Variants in ABCF3 observed in about 807,000 individuals in gnomAD.
ABCF3 encodes the protein ATP-binding cassette sub-family F member 3.
Under a neutral mutation model 94.3 loss-of-function variants are expected in ABCF3, and 62 were observed. The observed-to-expected ratio is 0.66, with a 90% CI of 0.54 to 0.81. The LOEUF is 0.81. Among genes scored for constraint, ABCF3 ranks in the 40% least tolerant of loss-of-function variants. ABCF3 has a pLI of 0.00. For synonymous variants in ABCF3, 355 were observed against 361.1 expected (o/e 0.98, Z 0.19); for missense variants, 843 against 925.3 (o/e 0.91, Z 1.15).
At position 184,192,650 on chromosome 3, in the gene ABCF3, G is replaced by A. The variant is rs1005979926; in HGVS notation, c.1619G>A (p.Gly540Glu). 5.0e-6 allele frequency: 8 copies of A among 1,610,338 alleles called. No individual in the cohort carries two copies. Among genetic ancestry groups the A allele is most frequent in the Non-Finnish European group, 6.8e-6 (8 of 1,179,202 alleles). The change falls in exon 17 of 21, where the codon GGG becomes GAG. Residue 540 changes from glycine to glutamate, a missense_variant. Transcript: ENST00000429586. ...GKSTMLKLLL[G>E]DLAPVRGIRH... is the part of the protein sequence containing the mutation. ...TCTACCATGCTGAAGCTGCTTTTGGGGGACCTGGCACCTGTTCGGGGCATC... is the reference window on the plus strand; with the variant it reads ...TCTACCATGCTGAAGCTGCTTTTGGAGGACCTGGCACCTGTTCGGGGCATC...
rs191518353 is a variant in ABCF3, at chr3:184,193,658, C to A, written c.2090C>A (p.Ala697Asp). 1 of 1,613,868 alleles carries A rather than the reference C, an allele frequency of 6.2e-7. No homozygotes were observed. Among genetic ancestry groups the A allele is most frequent in the Non-Finnish European group, 8.5e-7 (1 of 1,179,904 alleles). The change falls in exon 21 of 21, where the codon GCC becomes GAC. Residue 697 changes from alanine to aspartate, a missense_variant. By Grantham distance (126) the Ala-to-Asp change is moderately radical. Transcript: ENST00000429586. The surrounding 1 kb of genome is among the most constrained non-coding windows in gnomAD (Gnocchi z 5.2). ...RVEGGFDQYRALLQEQFRREG... is the reference protein window; with the variant it reads ...RVEGGFDQYRDLLQEQFRREG... ...GAAGGAGGATTTGACCAGTACCGCGCCCTCCTCCAGGAACAGTTCCGCCGC... is the reference window on the plus strand; with the variant it reads ...GAAGGAGGATTTGACCAGTACCGCGACCTCCTCCAGGAACAGTTCCGCCGC...
chr3:184,187,835 A>G (rs1715738659), intron 5 of ABCF3, 26 bp from the exon 6 acceptor site: 1 of 1,614,114 alleles, frequency 6.2e-7, no homozygotes, highest in Non-Finnish European at 8.5e-7. Context: ...GGGAGCACTA[A>G]GAGCTGTCCA....
intron 16 of ABCF3, among the ~76,000 whole-genome samples, chr3:184,192,341 C>T (rs1027094259): frequency 6.6e-6 from 1 of 152,080 alleles, no homozygotes; most frequent in Non-Finnish European, 1.5e-5. Flanking sequence ...TGAACTGTAG[C>T]GTCCCTGCAG....
chr3:184,193,579 A>G lies in ABCF3; in HGVS notation c.2011A>G (p.Arg671Gly). ...GGTGTCCCACGATGAGCGCTTTATC[A>G]GGCTGGTGTGCCGGGAGTTGTGGGT... ...ILVSHDERFI[R>G]LVCRELWVCE... The change falls in exon 21 of 21, where the codon AGG becomes GGG. Residue 671 changes from arginine (R) to glycine (G), a missense_variant. By Grantham distance (125) the Arg-to-Gly change is moderately radical (BLOSUM62 -2). Coordinates refer to ENST00000429586, the MANE Select transcript of ABCF3 (RefSeq NM_018358.3). The surrounding 1 kb of genome is among the most constrained non-coding windows in gnomAD (Gnocchi z 5.2). The G allele has an allele frequency of 6.2e-7, 1 of 1,614,162 alleles. No homozygotes were observed. The highest frequency in any genetic ancestry group is 8.5e-7 in the Non-Finnish European group (1 of 1,180,008).
In ABCF3 at chr3:184,191,191, A is replaced by G. The variant is rs202158328; in HGVS notation, c.1505A>G (p.Asp502Gly). ...LQLDEVDFYYDPKHVIFSRLS... is the reference protein window; with the variant it reads ...LQLDEVDFYYGPKHVIFSRLS... ...CTAGATGAGGTGGATTTCTACTACGATCCGAAGCACGTCATCTTCAGTCGC... is the reference window on the plus strand; with the variant it reads ...CTAGATGAGGTGGATTTCTACTACGGTCCGAAGCACGTCATCTTCAGTCGC... The change falls in exon 16 of 21, where the codon GAT becomes GGT. Residue 502 changes from aspartate (D) to glycine (G), a missense_variant. Asp to Gly is a moderately conservative substitution (Grantham distance 94). Coordinates refer to ENST00000429586, the MANE Select transcript of ABCF3 (RefSeq NM_018358.3). 6.2e-7 allele frequency: 1 copy of G among 1,614,104 alleles called. No homozygotes were observed. Among genetic ancestry groups the G allele is most frequent in the East Asian group, 2.2e-5 (1 of 44,878 alleles).
chr3:184,188,832 C>T lies in ABCF3; in HGVS notation c.908C>T (p.Ala303Val), dbSNP rs772971982. The stretch of plus-strand genomic sequence containing the variant: ...CTGGAGGAGATTGAGGCTGACAAGG[C>T]ACCTGCCAGGTATTTAAAGCTCCCC... ...AKLEEIEADK[A>V]PARASVILAG... Residue 303 changes from alanine to valine, a missense_variant, in exon 8 of 21, where the codon GCA becomes GTA. Transcript: ENST00000429586. 1.2e-6 allele frequency: 2 copies of T among 1,613,996 alleles called. No homozygotes were observed. Among genetic ancestry groups the T allele is most frequent in the Non-Finnish European group, 1.7e-6 (2 of 1,179,928 alleles).
At position 184,188,415 on chromosome 3, in the gene ABCF3, C is replaced by T; in HGVS notation, c.836+8C>T. ...CCAGATTGCTGCTGGCAGGTGAGGACTCCCGGCTAGGGAGTAACTAGCAGC... is the reference window on the plus strand; with the variant it reads ...CCAGATTGCTGCTGGCAGGTGAGGATTCCCGGCTAGGGAGTAACTAGCAGC... On this transcript the variant is annotated splice_region_variant and intron_variant, in intron 7 of 20. Coordinates refer to ENST00000429586, the MANE Select transcript of ABCF3 (RefSeq NM_018358.3). The T allele has an allele frequency of 1.9e-6, 3 of 1,601,222 alleles. No homozygotes were observed. The highest frequency in any genetic ancestry group is 8.5e-7 in the Non-Finnish European group (1 of 1,171,770).
intron 12 of ABCF3, 53 bp downstream of exon 12, chr3:184,189,496 C>A: frequency 6.2e-7 from 1 of 1,613,994 alleles, no homozygotes; most frequent in Non-Finnish European, 8.5e-7. Context: ...CTCCAAGATA[C>A]CTGGGGGCCT....
rs534112955 is a variant in ABCF3 at position 184,191,373 on chromosome 3, C to T, written c.1569+118C>T. The T allele has an allele frequency of 3.5e-5, 53 of 1,498,302 alleles. No homozygotes were observed. The East Asian group carries it at 1.0e-3, about 29-fold the overall frequency. 92.8% of individuals were successfully genotyped at this position (1,498,302 alleles called of 1,614,324 possible). On this transcript the variant is annotated intron_variant, in intron 16 of 20. Transcript: ENST00000429586. ...GAGGTCTGTGGAACAGGAGTGAGGG[C>T]CCGGGCTAAGGATTTTGCAGGACTT...
chr3:184,191,306 G>T (rs1269149542), intron 16 of ABCF3, 51 bp downstream of exon 16: 2 of 1,609,434 alleles, frequency 1.2e-6, no homozygotes, highest in East Asian at 2.2e-5. Context: ...CTGTCTAAGT[G>T]TGTGGTGTGG....
chr3:184,188,100 A>G (rs753029864), intron 6 of ABCF3, 41 bp from the exon 7 acceptor site: 4 of 1,610,362 alleles, frequency 2.5e-6, no homozygotes, highest in African/African-American at 2.7e-5. Context: ...CTGTGCACCT[A>G]TTTCTAGAGC....
chr3:184,191,046 A>G lies in ABCF3; in HGVS notation c.1436+3A>G, dbSNP rs200432093. On this transcript the variant is annotated splice_donor_region_variant and intron_variant, in intron 15 of 20. Transcript: ENST00000429586. ...AAGGAATCAGAGGTCGTAATGAAGT[A>G]AGTGCTGGGCCAGTGGGGCTGGTGG... The G allele has an allele frequency of 2.5e-6, 4 of 1,614,206 alleles. No individual in the cohort carries two copies. The Admixed American group carries it at 6.7e-5, about 27-fold the overall frequency.
At chr3:184,190,114 A>T (rs843343) in intron 14 of ABCF3, 183 bp downstream of exon 14, 5 of 626,458 alleles carry the variant, frequency 8.0e-6, no homozygotes, top group Admixed American at 2.9e-5. Context: ...TGACTAGCAC[A>T]TGGCAACCAC....
Position 184,188,188 on chromosome 3 carries a change from A to G in ABCF3, c.617A>G (p.Tyr206Cys). 6.2e-7 allele frequency: 1 copy of G among 1,614,054 alleles called. No homozygotes were observed. The highest frequency in any genetic ancestry group is 8.5e-7 in the Non-Finnish European group (1 of 1,180,030). Residue 206 changes from tyrosine (Y) to cysteine (C), a missense_variant, in exon 7 of 21, where the codon TAC becomes TGC. Physicochemically the swap from Tyr to Cys is radical, Grantham distance 194 (BLOSUM62 -2). Coordinates refer to ENST00000429586, the MANE Select transcript of ABCF3 (RefSeq NM_018358.3). ...GTGAACCTGGCATGGGGCCGCCGTT[A>G]CGGGCTGGTGGGGCGGAATGGGTTG... ...ADVNLAWGRR[Y>C]GLVGRNGLGK...
chr3:184,189,991 T>A lies in ABCF3; in HGVS notation c.1391+60T>A. 3.8e-6 allele frequency: 6 copies of A among 1,572,196 alleles called. No individual in the cohort carries two copies. In the South Asian group the frequency reaches 6.7e-5, roughly 18 times the overall value. On this transcript the variant is annotated intron_variant, in intron 14 of 20. Transcript: ENST00000429586. ...TGTTCTCTTCGTCTCCTTCCGCATT[T>A]GCACGCCACCCTTGCCCTACCATTC...
rs765550382 is a variant in ABCF3, at chr3:184,188,952, T to G, written c.941T>G (p.Leu314Arg). 1 of 1,614,246 alleles carries G rather than the reference T, an allele frequency of 6.2e-7. No individual in the cohort carries two copies. Among genetic ancestry groups the G allele is most frequent in the Non-Finnish European group, 8.5e-7 (1 of 1,180,036 alleles). ...PARASVILAGLGFTPKMQQQP... is the reference protein window; with the variant it reads ...PARASVILAGRGFTPKMQQQP... ...AGGGCATCAGTCATTCTCGCTGGGC[T>G]TGGCTTTACCCCTAAAATGCAGCAG... The change falls in exon 9 of 21, where the codon CTT (leucine) becomes CGT (arginine). Residue 314 changes from leucine (L) to arginine (R), a missense_variant. By Grantham distance (102) the Leu-to-Arg change is moderately radical (BLOSUM62 -2). Transcript: ENST00000429586.
chr3:184,190,921 T>G (rs1451595031), intron 14 of ABCF3, 78 bp from the exon 15 acceptor site: 1 of 1,544,156 alleles, frequency 6.5e-7, no homozygotes, highest in African/African-American at 1.4e-5. Context: ...TTTCTAAGTT[T>G]TCTCTGAACA....
Position 184,192,892 on chromosome 3 carries a change from T to A in ABCF3, c.1746T>A (p.Phe582Leu). Residue 582 changes from phenylalanine (F) to leucine (L), a missense_variant, in exon 18 of 21, where the codon TTT (phenylalanine) becomes TTA (leucine). By Grantham distance (22) the Phe-to-Leu change is conservative. Coordinates refer to ENST00000429586, the MANE Select transcript of ABCF3 (RefSeq NM_018358.3). The part of the protein sequence containing the change: ...VSAVELLARK[F>L]PGRPEEEYRH... ...CTGTGGAACTGCTGGCACGCAAGTT[T>A]CCTGGTGAGTTAGGGATTTGAGTCG... 3 of 1,614,064 alleles carry A rather than the reference T, an allele frequency of 1.9e-6. No homozygotes were observed. The highest frequency in any genetic ancestry group is 2.5e-6 in the Non-Finnish European group (3 of 1,179,984).
intron 14 of ABCF3, chr3:184,190,195 A>C: frequency 5.6e-6 from 3 of 537,320 alleles, no homozygotes; most frequent in Non-Finnish European, 1.0e-5. Context: ...GAATCATACA[A>C]TATGACCTTT....
Sources: gnomAD v4.1 joint callset for allele counts (sites outside exome capture counted in the v4.1 genomes callset) on GRCh38, gnomAD v4.1.1 for gene constraint, Gnocchi (gnomAD v3.1) non-coding constraint, MANE v1.5 for transcripts, NCBI Gene and HGNC (gene_info 2026-07-23, HGNC 2026-07-21) for gene names.